The following FBN2 variants were observed in gnomAD, a reference collection of about 807,000 sequenced individuals.
FBN2 encodes fibrillin-2.
Under a neutral mutation model 355.6 loss-of-function variants are expected in FBN2, and 105 were observed. The observed-to-expected ratio is 0.30, with a 90% CI of 0.25 to 0.35. The LOEUF (loss-of-function observed/expected upper bound fraction) is 0.35. Ranked by LOEUF, FBN2 falls within the 10% of genes least tolerant of loss-of-function variation. The pLI, the probability that FBN2 is intolerant of heterozygous loss-of-function variation, is 1.00. For synonymous variants in FBN2, 1,350 were observed against 1,301.2 expected (o/e 1.04, Z -0.81); for missense variants, 3,280 against 3,758.7 (o/e 0.87, Z 3.33).
Position 128,311,290 on chromosome 5 carries a change from T to C in FBN2, c.5074+10A>G, listed in dbSNP as rs1561764343. The C allele has an allele frequency of 6.2e-7, 1 of 1,614,036 alleles. No homozygotes were observed. The highest frequency in any genetic ancestry group is 8.5e-7 in the Non-Finnish European group (1 of 1,179,962). On this transcript the variant is annotated intron_variant, in intron 39 of 64. Transcript: ENST00000262464. Reference sequence around the variant, plus strand: ...AGCACTGAGCATTTTAGGCATCAAATTCATCTCACCTTCACAGATGCGGGT... The same window carrying C: ...AGCACTGAGCATTTTAGGCATCAAACTCATCTCACCTTCACAGATGCGGGT...
At chr5:128,262,246 A>T (rs927906801) in intron 63 of FBN2, among the ~76,000 whole-genome samples, 11 of 152,038 alleles carry the variant, frequency 7.2e-5, no homozygotes, top group Admixed American at 3.9e-4. Flanking sequence ...TTTTGTAGAG[A>T]TAGGGTCTTG....
chr5:128,485,191 T>C (rs1019562529), intron 5 of FBN2, among the ~76,000 whole-genome samples: 3 of 151,986 alleles, frequency 2.0e-5, no homozygotes, highest in Non-Finnish European at 4.4e-5. Flanking sequence ...GCACAGCTAA[T>C]TTTTTATTTT....
chr5:128,538,150 G>C lies in FBN2; in HGVS notation c.-547C>G, dbSNP rs1284765893. 6.5e-6 allele frequency: 1 copy of C among 154,876 alleles called. No homozygotes were observed. The highest frequency in any genetic ancestry group is 1.4e-5 in the Non-Finnish European group (1 of 69,522). 9.6% of individuals were successfully genotyped at this position (154,876 alleles called of 1,614,324 possible). A position where few individuals can be genotyped will look rare whatever the true frequency, so the allele number is the denominator to read the frequency against. On this transcript the variant is annotated 5_prime_UTR_variant, in exon 1 of 65. Coordinates refer to ENST00000262464, the MANE Select transcript of FBN2 (RefSeq NM_001999.4). Reference sequence around the variant, plus strand: ...GGAGTCCCACAGGGCAACGAAGCGCGGGTAGCGGCTGCGGAGCCGGGCGGA... The same window carrying C: ...GGAGTCCCACAGGGCAACGAAGCGCCGGTAGCGGCTGCGGAGCCGGGCGGA...
chr5:128,364,309 C>A (rs1751712785), intron 18 of FBN2, among the ~76,000 whole-genome samples: 1 of 151,890 alleles, frequency 6.6e-6, no homozygotes, highest in Non-Finnish European at 1.5e-5. Context: ...AAATCAAATT[C>A]TTCGTAAAAA....
rs964082084 is a variant in FBN2, at chr5:128,289,341, T to A, written c.6512-89A>T. 4.9e-6 allele frequency: 7 copies of A among 1,416,118 alleles called. No individual in the cohort carries two copies. The African/African-American group carries it at 9.8e-5, about 20-fold the overall frequency. The allele number at this position is 1,416,118 out of a possible 1,614,324, so 87.7% of individuals were successfully genotyped here. Reference sequence around the variant, plus strand: ...CTCATGCTTATAAATCCCAGCACTTTGGGAGGCCGAGGTGGGTGGATCACC... The same window carrying A: ...CTCATGCTTATAAATCCCAGCACTTAGGGAGGCCGAGGTGGGTGGATCACC... On this transcript the variant is annotated intron_variant, in intron 51 of 64. Coordinates refer to ENST00000262464, the MANE Select transcript of FBN2 (RefSeq NM_001999.4).
intron 11 of FBN2, among the ~76,000 whole-genome samples, chr5:128,387,914 G>A (rs1260893950): frequency 6.6e-6 from 1 of 152,052 alleles, no homozygotes; most frequent in Non-Finnish European, 1.5e-5. Flanking sequence ...TTCCTGCCTT[G>A]ATGATCTGTC....
intron 5 of FBN2, among the ~76,000 whole-genome samples, chr5:128,493,489 C>T (rs745503197): frequency 6.6e-6 from 1 of 152,112 alleles, no homozygotes; most frequent in Non-Finnish European, 1.5e-5. Context: ...CAAAACCTCA[C>T]AACTCCCATA....
At chr5:128,468,404 TC>T (rs1252773128) in intron 5 of FBN2, among the ~76,000 whole-genome samples, 5 of 152,226 alleles carry the variant, frequency 3.3e-5, no homozygotes, top group Non-Finnish European at 7.3e-5. Flanking sequence ...TGCATGAAAG[TC>T]TTTGTGTGGA....
At chr5:128,397,902 G>A (rs565950341) in intron 8 of FBN2, among the ~76,000 whole-genome samples, 2 of 151,924 alleles carry the variant, frequency 1.3e-5, no homozygotes, top group East Asian at 1.9e-4. Flanking sequence ...AAACTCCCTC[G>A]TAAGGTAGGG....
intron 5 of FBN2, among the ~76,000 whole-genome samples, chr5:128,503,558 A>C (rs1561488499): frequency 6.6e-6 from 1 of 152,152 alleles, no homozygotes; most frequent in Non-Finnish European, 1.5e-5. Flanking sequence ...TGGGAACTGG[A>C]GTAAATGCCA....
At position 128,310,390 on chromosome 5, in the gene FBN2, ATATATATATATATTTTT is replaced by A. The variant is rs1200541681; in HGVS notation, c.5075-299_5075-283del. ...CATATATATATATATATATATATAT[ATATATATATATATTTTT>A]TTTTTTTTTTTTTTATTGCAATTCG... On this transcript the variant is annotated intron_variant, in intron 39 of 64. Transcript: ENST00000262464. Among the ~76,000 whole-genome samples the A allele has an allele frequency of 0.032, 969 of 29,994 alleles. 12 individuals are homozygous for A. Among genetic ancestry groups the A allele is most frequent in the African/African-American group, 0.057 (407 of 7,174 alleles). 19.7% of individuals were successfully genotyped at this position (29,994 alleles called of 152,430 possible).
chr5:128,286,622 G>C (rs1361740785), intron 55 of FBN2, 96 bp downstream of exon 55: 29 of 1,419,510 alleles, frequency 2.0e-5, no homozygotes, highest in African/African-American at 1.4e-5. Flanking sequence ...GCTGGAAAAA[G>C]AGTTGGCTTG....
intron 7 of FBN2, among the ~76,000 whole-genome samples, chr5:128,434,589 T>C (rs2127036398): frequency 6.8e-6 from 1 of 148,000 alleles, no homozygotes; most frequent in East Asian, 2.0e-4. Context: ...AAAGGTTCCC[T>C]CTCTCTCTCT....
intron 5 of FBN2, among the ~76,000 whole-genome samples, chr5:128,488,069 C>T (rs567248026): frequency 7.2e-5 from 11 of 152,220 alleles, no homozygotes; most frequent in Non-Finnish European, 1.6e-4. Context: ...AAGCTAGGGT[C>T]CTTACTTTCC....
chr5:128,534,455 G>T (rs550826679), intron 2 of FBN2, among the ~76,000 whole-genome samples: 3 of 152,244 alleles, frequency 2.0e-5, no homozygotes, highest in Admixed American at 6.5e-5. Flanking sequence ...CCTATTTTGT[G>T]CACTGTTTAA....
intron 6 of FBN2, among the ~76,000 whole-genome samples, chr5:128,455,277 T>C (rs534030006): frequency 6.0e-4 from 91 of 152,364 alleles, no homozygotes; most frequent in Middle Eastern, 6.8e-3. Context: ...ACTTGTTTTA[T>C]GATAGCTTAA....
chr5:128,537,725 C>A lies in FBN2; in HGVS notation c.-122G>T, dbSNP rs557716482. The A allele has an allele frequency of 4.7e-4, 444 of 947,916 alleles. 6 individuals carry two copies. The South Asian group carries it at 5.4e-3, about 12-fold the overall frequency. The allele number at this position is 947,916 out of a possible 1,614,324, so 58.7% of individuals were successfully genotyped here. A position where few individuals can be genotyped will look rare whatever the true frequency, so the allele number is the denominator to read the frequency against. ...CCTTCGTCGGCTCCGGGGACTCCCT[C>A]GGGCTCGGGCTCCCTGCTCTAGCTG... On this transcript the variant is annotated 5_prime_UTR_variant, in exon 1 of 65. Transcript: ENST00000262464.
intron 14 of FBN2, 85 bp from the exon 15 acceptor site, chr5:128,374,835 T>A: frequency 7.1e-7 from 1 of 1,398,638 alleles, no homozygotes; most frequent in Non-Finnish European, 1.0e-6. Flanking sequence ...TGCTCTATAC[T>A]ACTAACCTTT....
At chr5:128,360,748 G>T (rs190678284) in intron 19 of FBN2, among the ~76,000 whole-genome samples, 42 of 151,704 alleles carry the variant, frequency 2.8e-4, no homozygotes, top group African/African-American at 9.7e-4. Flanking sequence ...GTAAGATGAA[G>T]AGAGAATGTT....
Sources: allele counts gnomAD v4.1 joint callset (sites outside exome capture counted in the v4.1 genomes callset), GRCh38; gene constraint gnomAD v4.1.1; transcripts MANE v1.5; gene names NCBI Gene and HGNC (gene_info 2026-07-23, HGNC 2026-07-21).